SHISAL1: variants seen among roughly 807,000 people sequenced by gnomAD.
The protein encoded by SHISAL1 is protein shisa-like-1.
In SHISAL1, 9 loss-of-function variants were observed where a neutral mutation model predicts 22.6. The observed-to-expected ratio is 0.40, with a 90% CI of 0.24 to 0.70. The LOEUF is 0.70. SHISAL1 is among the 30% of genes least tolerant of loss of function. The pLI is 0.39. For synonymous variants in SHISAL1, 119 were observed against 115.4 expected, an observed-to-expected ratio of 1.03 and a Z score of -0.20; for missense variants, 246 against 270.6, an observed-to-expected ratio of 0.91 and a Z score of 0.64.
chr22:44,321,356 G>A, the SHISAL1 span, among the ~76,000 whole-genome samples: 1 of 152,182 alleles, frequency 6.6e-6, no homozygotes, highest in Non-Finnish European at 1.5e-5. Flanking sequence ...GGCTCTAGAT[G>A]CATGGTTCCC....
intron 1 of SHISAL1, among the ~76,000 whole-genome samples, chr22:44,311,655 A>C (rs1210666238): frequency 1.3e-5 from 2 of 152,086 alleles, no homozygotes; most frequent in Non-Finnish European, 2.9e-5. Context: ...GGAAAGGGGG[A>C]CTTGAGCGAG....
chr22:44,296,144 C>G (rs947751847), intron 3 of SHISAL1, among the ~76,000 whole-genome samples: 6 of 144,478 alleles, frequency 4.2e-5, no homozygotes, highest in African/African-American at 1.5e-4. Context: ...TGTGTCCCTC[C>G]CTCCCTCCCT....
chr22:44,319,491 C>A, the SHISAL1 span, among the ~76,000 whole-genome samples: 4 of 152,238 alleles, frequency 2.6e-5, no homozygotes, highest in Non-Finnish European at 5.9e-5. Flanking sequence ...GGGAACAGCT[C>A]CCTCTCCCAG....
At chr22:44,322,807 T>A in the SHISAL1 span, among the ~76,000 whole-genome samples, 1 of 152,222 alleles carries the variant, frequency 6.6e-6, no homozygotes, top group Admixed American at 6.5e-5. Context: ...ACACAACGCA[T>A]CCCACCTTGT....
At chr22:44,260,012 T>C (rs894849054) in intron 4 of SHISAL1, among the ~76,000 whole-genome samples, 1 of 152,088 alleles carries the variant, frequency 6.6e-6, no homozygotes, top group Non-Finnish European at 1.5e-5. Flanking sequence ...CACCAGGAGA[T>C]TACTTCAAGA....
chr22:44,314,265 C>G (rs974207312), upstream of SHISAL1, among the ~76,000 whole-genome samples: 1 of 152,050 alleles, frequency 6.6e-6, no homozygotes, highest in Non-Finnish European at 1.5e-5. Context: ...CCTCCTGCCT[C>G]TTGTCTGGGG....
rs1468978615 is a variant in SHISAL1 at position 44,245,247 on chromosome 22, T to A, written c.*4438A>T. On this transcript the variant is annotated 3_prime_UTR_variant, in exon 5 of 5. Transcript: ENST00000381176. ...CCACGTGGATGTCTCCCTACAGTGA[T>A]AGGGGGCCCTTCAACATTGATAAGA... 6.6e-6 allele frequency: 1 copy of A among 152,234 alleles called. No homozygotes were observed. The highest frequency in any genetic ancestry group is 1.5e-5 in the Non-Finnish European group (1 of 68,038). The allele number at this position is 152,234 out of a possible 1,614,324, so 9.4% of individuals were successfully genotyped here. A position where few individuals can be genotyped will look rare whatever the true frequency, so the allele number is the denominator to read the frequency against.
At chr22:44,273,676 C>CT (rs2055219870) in intron 4 of SHISAL1, among the ~76,000 whole-genome samples, 1 of 152,142 alleles carries the variant, frequency 6.6e-6, no homozygotes, top group Admixed American at 6.5e-5. Flanking sequence ...TACAGCAAAT[C>CT]TGAGTTTTCT....
intron 3 of SHISAL1, among the ~76,000 whole-genome samples, chr22:44,293,938 G>C (rs577310909): frequency 6.6e-6 from 1 of 152,390 alleles, no homozygotes; most frequent in African/African-American, 2.4e-5. Context: ...CTGGAGTGGA[G>C]TGTTCCGTGT....
chr22:44,310,206 T>C lies in SHISAL1; in HGVS notation c.-33+2545A>G, dbSNP rs938513564. On this transcript the variant is annotated intron_variant, in intron 1 of 4. Coordinates refer to ENST00000381176, the MANE Select transcript of SHISAL1 (RefSeq NM_001099294.2). This position sits in a 1 kb window ranked among gnomAD's most constrained non-coding sequence, Gnocchi z 4.0. Reference sequence around the variant, plus strand: ...CCCAGCCCTGCTGAGACCATTTCGTTTTTGCTCATCTCTATGGGCAGCACA... The same window carrying C: ...CCCAGCCCTGCTGAGACCATTTCGTCTTTGCTCATCTCTATGGGCAGCACA... Among the ~76,000 whole-genome samples the C allele has an allele frequency of 3.3e-5, 5 of 152,292 alleles. No homozygotes were observed. Among genetic ancestry groups the C allele is most frequent in the Non-Finnish European group, 7.4e-5 (5 of 68,020 alleles).
chr22:44,274,227 G>A (rs1024390732), intron 4 of SHISAL1, among the ~76,000 whole-genome samples: 2 of 152,222 alleles, frequency 1.3e-5, no homozygotes, highest in African/African-American at 4.8e-5. Context: ...TCCAGCCTGG[G>A]CGACAGAATG....
At chr22:44,259,707 T>C (rs1462418078) in intron 4 of SHISAL1, among the ~76,000 whole-genome samples, 3 of 152,138 alleles carry the variant, frequency 2.0e-5, no homozygotes, top group Non-Finnish European at 2.9e-5. Context: ...TGCGCCAGAA[T>C]AGAGGAGATG....
chr22:44,300,996 G>C lies in SHISAL1; in HGVS notation c.-32-19C>G. 1.3e-6 allele frequency: 2 copies of C among 1,557,116 alleles called. No individual in the cohort carries two copies. The highest frequency in any genetic ancestry group is 1.8e-6 in the Non-Finnish European group (2 of 1,130,068). ...GAGCTGCCTGTTCAATGAGAGCCACGAGAGGCTGGGTGTGGGCTGTCTCGC... is the reference window on the plus strand; with the variant it reads ...GAGCTGCCTGTTCAATGAGAGCCACCAGAGGCTGGGTGTGGGCTGTCTCGC... On this transcript the variant is annotated intron_variant, in intron 1 of 4. Coordinates refer to ENST00000381176, the MANE Select transcript of SHISAL1 (RefSeq NM_001099294.2).
the SHISAL1 span, among the ~76,000 whole-genome samples, chr22:44,327,643 G>A: frequency 4.5e-4 from 69 of 152,182 alleles, no homozygotes; most frequent in African/African-American, 1.6e-3. Context: ...CATGCTTAGG[G>A]GTCAAGGAAT....
the SHISAL1 span, among the ~76,000 whole-genome samples, chr22:44,318,806 T>C: frequency 1.3e-5 from 2 of 152,360 alleles, no homozygotes; most frequent in East Asian, 3.9e-4. Flanking sequence ...GTAAGGGCTG[T>C]TCATGACCCT....
intron 4 of SHISAL1, among the ~76,000 whole-genome samples, chr22:44,260,847 T>A (rs896742508): frequency 3.3e-5 from 5 of 152,040 alleles, no homozygotes; most frequent in African/African-American, 1.2e-4. Flanking sequence ...TCCCCATGGT[T>A]GCCCCTGCAT....
intron 3 of SHISAL1, among the ~76,000 whole-genome samples, chr22:44,287,088 C>T (rs573573928): frequency 6.6e-6 from 1 of 152,366 alleles, no homozygotes; most frequent in East Asian, 1.9e-4. Context: ...AAGGGGCCAG[C>T]CCGGAACCCG....
chr22:44,288,037 C>G (rs905685416), intron 3 of SHISAL1, among the ~76,000 whole-genome samples: 1 of 152,170 alleles, frequency 6.6e-6, no homozygotes, highest in Non-Finnish European at 1.5e-5. Flanking sequence ...GGCTGGGCCT[C>G]GAACCACTGG....
chr22:44,269,856 C>T (rs576285607), intron 4 of SHISAL1, among the ~76,000 whole-genome samples: 6 of 152,314 alleles, frequency 3.9e-5, no homozygotes, highest in Admixed American at 2.6e-4. Flanking sequence ...ATGGTGGTAA[C>T]GATGCACCAC....
Sources: allele counts gnomAD v4.1 joint callset (sites outside exome capture counted in the v4.1 genomes callset), GRCh38; gene constraint gnomAD v4.1.1; non-coding constraint Gnocchi (gnomAD v3.1); transcripts MANE v1.5; gene names NCBI Gene and HGNC (gene_info 2026-07-23, HGNC 2026-07-21).